Variants in STK31 observed in about 807,000 individuals in gnomAD.
STK31 encodes serine/threonine kinase 31.
Under a neutral mutation model 129.7 loss-of-function variants are expected in STK31, and 89 were observed. The ratio of observed to expected loss-of-function variants is 0.69; its 90% CI spans 0.58 to 0.82. The LOEUF is 0.82. Among genes scored for constraint, STK31 ranks in the 40% least tolerant of loss-of-function variants. The probability of loss-of-function intolerance (pLI) is 0.00; values close to 1 mark genes in which losing one functional copy is unlikely to be tolerated. For synonymous variants in STK31, 448 were observed against 395.3 expected (o/e 1.13, Z -1.58); for missense variants, 1,187 against 1,176.4 (o/e 1.01, Z -0.13).
chr7:23,796,364 T>TTG (rs1319339742), intron 22 of STK31, among the ~76,000 whole-genome samples: 2 of 151,820 alleles, frequency 1.3e-5, no homozygotes, highest in South Asian at 2.1e-4. Context: ...AGTTTTTTTT[T>TTG]TTGTTTCTGG....
At chr7:23,810,726 A>T (rs1381970018) in intron 22 of STK31, among the ~76,000 whole-genome samples, 2 of 33,518 alleles carry the variant, frequency 6.0e-5, no homozygotes, top group Admixed American at 4.8e-4. Context: ...GATATATATA[A>T]AATAGATATA....
chr7:23,786,519 G>A lies in STK31; in HGVS notation c.2286G>A (p.Val762=). The A allele has an allele frequency of 6.2e-7, 1 of 1,613,098 alleles. No homozygotes were observed. The highest frequency in any genetic ancestry group is 8.5e-7 in the Non-Finnish European group (1 of 1,179,574). ...GQIILLKGYS[V]DVDTEAKVIE... ...TTCTTTGGTACAAGGGCTATTCTGT[G>A]GATGTTGACACAGAAGCCAAGGTGA... Residue 762 remains valine, a synonymous_variant, in exon 19 of 24, where the codon GTG becomes GTA. Coordinates refer to ENST00000355870, the MANE Select transcript of STK31 (RefSeq NM_031414.5).
At chr7:23,811,395 T>C in intron 22 of STK31, 1 of 339,320 alleles carries the variant, frequency 2.9e-6, no homozygotes, top group Non-Finnish European at 5.9e-6. Context: ...ATATACATCT[T>C]GTAGGCTTCT....
chr7:23,736,252 A>G (rs1787711205), intron 7 of STK31, among the ~76,000 whole-genome samples: 1 of 152,200 alleles, frequency 6.6e-6, no homozygotes, highest in Non-Finnish European at 1.5e-5. Flanking sequence ...TGGCTTTAGG[A>G]ATATTTTAAA....
chr7:23,811,166 T>C (rs1793108036), intron 22 of STK31: 1 of 169,890 alleles, frequency 5.9e-6, no homozygotes, highest in East Asian at 1.7e-4. Flanking sequence ...TTCTAAATCA[T>C]CCATAAAGAA....
intron 7 of STK31, among the ~76,000 whole-genome samples, chr7:23,736,372 A>T (rs956739039): frequency 6.6e-6 from 1 of 152,058 alleles, no homozygotes; most frequent in Non-Finnish European, 1.5e-5. Context: ...TTTTTAGATA[A>T]TTTTAAATTA....
Position 23,727,316 on chromosome 7 carries a change from G to C in STK31, c.324+1G>C. On this transcript the variant is annotated splice_donor_variant, in intron 5 of 23. Coordinates refer to ENST00000355870, the MANE Select transcript of STK31 (RefSeq NM_031414.5). LOFTEE classifies it high-confidence loss of function. ...ACTGAAAATCATCAGCGTTGAAAAGGCAGGAAATTAAGTGTTCAGTTTTTT... is the reference window on the plus strand; with the variant it reads ...ACTGAAAATCATCAGCGTTGAAAAGCCAGGAAATTAAGTGTTCAGTTTTTT... The C allele has an allele frequency of 6.2e-7, 1 of 1,613,008 alleles. No individual in the cohort carries two copies. Among genetic ancestry groups the C allele is most frequent in the Non-Finnish European group, 8.5e-7 (1 of 1,179,428 alleles).
chr7:23,781,660 A>G, intron 16 of STK31, 140 bp downstream of exon 16: 2 of 525,514 alleles, frequency 3.8e-6, no homozygotes, highest in Non-Finnish European at 6.6e-6. Context: ...ACCTGGTAAG[A>G]TTTTTGTAAA....
chr7:23,764,623 TTAGATATATC>T (rs1166330798), intron 11 of STK31, among the ~76,000 whole-genome samples: 1 of 152,200 alleles, frequency 6.6e-6, no homozygotes, highest in African/African-American at 2.4e-5. Context: ...GTGTACAGTT[TTAGATATATC>T]TAAAACTTGC....
chr7:23,719,146 T>G (rs940236005), intron 4 of STK31, among the ~76,000 whole-genome samples: 1 of 152,058 alleles, frequency 6.6e-6, no homozygotes, highest in Non-Finnish European at 1.5e-5. Flanking sequence ...ATTCTGTATG[T>G]TTTTTTCACT....
chr7:23,732,365 TA>T (rs1232835894), intron 6 of STK31, among the ~76,000 whole-genome samples: 1 of 152,146 alleles, frequency 6.6e-6, no homozygotes, highest in Non-Finnish European at 1.5e-5. Context: ...TAGTGGAAAA[TA>T]TATTTCTTAT....
chr7:23,729,168 GCAGTTTT>G lies in STK31; in HGVS notation c.404_410del (p.Gln135LeufsTer33). On this transcript the variant is annotated frameshift_variant, in exon 6 of 24. Transcript: ENST00000355870. LOFTEE classifies it high-confidence loss of function. ...ATATAGTTGAAATTCCTTTGGAGCT[GCAGTTTT>G]CTAGTGTTGCCAAAAAGTATAAACT... 1 of 1,611,872 alleles carries G rather than the reference GCAGTTTT, an allele frequency of 6.2e-7. No homozygotes were observed. The highest frequency in any genetic ancestry group is 8.5e-7 in the Non-Finnish European group (1 of 1,179,526).
intron 22 of STK31, among the ~76,000 whole-genome samples, chr7:23,800,638 A>G (rs1369657177): frequency 6.6e-6 from 1 of 152,068 alleles, no homozygotes; most frequent in Non-Finnish European, 1.5e-5. Context: ...TAGGAGAAAT[A>G]CCTAATGTAG....
At chr7:23,745,693 TGCATG>T (rs1281938508) in intron 8 of STK31, among the ~76,000 whole-genome samples, 16 of 152,288 alleles carry the variant, frequency 1.1e-4, no homozygotes, top group African/African-American at 3.6e-4. Context: ...CATGTGAAGA[TGCATG>T]GCTACCCTTC....
intron 6 of STK31, among the ~76,000 whole-genome samples, chr7:23,733,757 C>T (rs1026841244): frequency 2.0e-5 from 3 of 151,302 alleles, no homozygotes; most frequent in Admixed American, 6.6e-5. Flanking sequence ...TGCAGTGAGC[C>T]GAGATAGCGC....
chr7:23,801,244 A>T (rs1043150604), intron 22 of STK31, among the ~76,000 whole-genome samples: 1 of 152,142 alleles, frequency 6.6e-6, no homozygotes, highest in African/African-American at 2.4e-5. Flanking sequence ...TATTTTAGCC[A>T]TTCTCATAGG....
intron 4 of STK31, among the ~76,000 whole-genome samples, chr7:23,719,406 A>T (rs920930006): frequency 5.3e-5 from 8 of 152,094 alleles, no homozygotes; most frequent in African/African-American, 1.9e-4. Context: ...GTCTTTACAC[A>T]TCTAAACAGA....
intron 8 of STK31, among the ~76,000 whole-genome samples, chr7:23,739,770 G>T (rs1007593051): frequency 6.6e-6 from 1 of 152,162 alleles, no homozygotes; most frequent in African/African-American, 2.4e-5. Flanking sequence ...GTTTGTCGAA[G>T]ATCAGATGGT....
chr7:23,817,201 T>A lies in STK31; in HGVS notation c.2829+1989T>A, dbSNP rs569149063. 2.9e-3 allele frequency among the ~76,000 whole-genome samples: 445 copies of A among 151,426 alleles called. 2 individuals carry two copies. The highest frequency in any genetic ancestry group is 5.8e-3 in the African/African-American group (237 of 41,204). Reference sequence around the variant, plus strand: ...AGACTTTGTCTCAAAAAAAAAAAAATAATAATAATAATCTGCCTGTAATCT... The same window carrying A: ...AGACTTTGTCTCAAAAAAAAAAAAAAAATAATAATAATCTGCCTGTAATCT... On this transcript the variant is annotated intron_variant, in intron 23 of 23. Coordinates refer to ENST00000355870, the MANE Select transcript of STK31 (RefSeq NM_031414.5).
Sources: allele counts gnomAD v4.1 joint callset (sites outside exome capture counted in the v4.1 genomes callset), GRCh38; gene constraint gnomAD v4.1.1; transcripts MANE v1.5; gene names NCBI Gene and HGNC (gene_info 2026-07-23, HGNC 2026-07-21).